The following CTNNBIP1 variants were observed in gnomAD, a reference collection of about 807,000 sequenced individuals.
The protein encoded by CTNNBIP1 is catenin beta interacting protein 1, also known as beta-catenin-interacting protein 1.
Under a neutral mutation model 11.8 loss-of-function variants are expected in CTNNBIP1, and 7 were observed. That is an observed-to-expected ratio of 0.60 (90% CI 0.34 to 1.12). The LOEUF is 1.12. CTNNBIP1 is among the 50% of genes most tolerant of loss of function. The pLI, the probability that CTNNBIP1 is intolerant of heterozygous loss-of-function variation, is 0.03. For synonymous variants in CTNNBIP1, 58 were observed against 43.9 expected (o/e 1.32, Z -1.26); for missense variants, 101 against 113.4 (o/e 0.89, Z 0.50).
chr1:9,881,495 A>G (rs1639082565), intron 2 of CTNNBIP1, among the ~76,000 whole-genome samples: 1 of 151,726 alleles, frequency 6.6e-6, no homozygotes, highest in Non-Finnish European at 1.5e-5. Flanking sequence ...GCCCGCCACC[A>G]CACCCGGCTA....
At chr1:9,906,805 C>T (rs1228014623) in intron 1 of CTNNBIP1, among the ~76,000 whole-genome samples, 1 of 152,170 alleles carries the variant, frequency 6.6e-6, no homozygotes, top group African/African-American at 2.4e-5. Context: ...GGGCAGGAGT[C>T]TTGGTGCGAT....
rs917943475 is a variant in CTNNBIP1, at chr1:9,848,644, A to G, written c.*2074T>C. On this transcript the variant is annotated 3_prime_UTR_variant, in exon 6 of 6. Coordinates refer to ENST00000377263, the MANE Select transcript of CTNNBIP1 (RefSeq NM_020248.3). The surrounding 1 kb of genome is among the most constrained non-coding windows in gnomAD (Gnocchi z 4.3). Reference sequence around the variant, plus strand: ...GAGCGGGGAGAGTGCGTGTGTGTGCACATGTGTATGAGTGTGCACACGGGT... The same window carrying G: ...GAGCGGGGAGAGTGCGTGTGTGTGCGCATGTGTATGAGTGTGCACACGGGT... 1 of 152,206 alleles carries G rather than the reference A, an allele frequency of 6.6e-6. No homozygotes were observed. The highest frequency in any genetic ancestry group is 6.5e-5 in the Admixed American group (1 of 15,280). The allele number at this position is 152,206 out of a possible 1,614,324, so 9.4% of individuals were successfully genotyped here. A position where few individuals can be genotyped will look rare whatever the true frequency, so the allele number is the denominator to read the frequency against.
chr1:9,865,118 A>G (rs745348600), intron 5 of CTNNBIP1, among the ~76,000 whole-genome samples: 25 of 152,018 alleles, frequency 1.6e-4, no homozygotes, highest in Non-Finnish European at 2.9e-4. Flanking sequence ...AATCCCAGCT[A>G]CCTGGGAGGC....
At chr1:9,874,929 G>C (rs1278539461) in intron 3 of CTNNBIP1, among the ~76,000 whole-genome samples, 1 of 152,218 alleles carries the variant, frequency 6.6e-6, no homozygotes, top group African/African-American at 2.4e-5. Context: ...AAGCCTTTGA[G>C]CTGGGAGTTA....
chr1:9,858,826 A>G (rs910830502), intron 5 of CTNNBIP1, among the ~76,000 whole-genome samples: 1 of 152,174 alleles, frequency 6.6e-6, no homozygotes, highest in African/African-American at 2.4e-5. Context: ...ACTCAGACAG[A>G]CAAAGCAACT....
intron 3 of CTNNBIP1, among the ~76,000 whole-genome samples, chr1:9,873,112 G>C (rs1002658378): frequency 6.6e-6 from 1 of 152,176 alleles, no homozygotes; most frequent in Non-Finnish European, 1.5e-5. Flanking sequence ...CAATGTGCCA[G>C]AGCCCGGGCA....
intron 1 of CTNNBIP1, among the ~76,000 whole-genome samples, chr1:9,909,333 A>G (rs1639683856): frequency 6.6e-6 from 1 of 152,148 alleles, no homozygotes; most frequent in Non-Finnish European, 1.5e-5. Context: ...ATTATTCATA[A>G]AACTCTTGAT....
intron 1 of CTNNBIP1, among the ~76,000 whole-genome samples, chr1:9,886,152 C>T (rs905547572): frequency 2.6e-5 from 4 of 152,068 alleles, no homozygotes; most frequent in East Asian, 1.9e-4. Context: ...CCCAGCTGCC[C>T]GTCAGTCCCC....
intron 1 of CTNNBIP1, among the ~76,000 whole-genome samples, chr1:9,891,465 G>A (rs1639298108): frequency 6.6e-6 from 1 of 152,188 alleles, no homozygotes; most frequent in Admixed American, 6.5e-5. Flanking sequence ...CCAGGGCTGG[G>A]AAAGCCTCCA....
rs1294633584 is a variant in CTNNBIP1, at chr1:9,848,645, CAT to C, written c.*2071_*2072del. ...AGCGGGGAGAGTGCGTGTGTGTGCA[CAT>C]GTGTATGAGTGTGCACACGGGTGTG... On this transcript the variant is annotated 3_prime_UTR_variant, in exon 6 of 6. Transcript: ENST00000377263. The surrounding 1 kb of genome is among the most constrained non-coding windows in gnomAD (Gnocchi z 4.3). 1.2e-4 allele frequency: 19 copies of C among 152,348 alleles called. No individual in the cohort carries two copies. The highest frequency in any genetic ancestry group is 2.2e-4 in the Non-Finnish European group (15 of 68,044). The allele number at this position is 152,348 out of a possible 1,614,324, so 9.4% of individuals were successfully genotyped here. A position where few individuals can be genotyped will look rare whatever the true frequency, so the allele number is the denominator to read the frequency against.
At chr1:9,854,801 C>T (rs1024964931) in intron 5 of CTNNBIP1, among the ~76,000 whole-genome samples, 3 of 152,048 alleles carry the variant, frequency 2.0e-5, no homozygotes, top group African/African-American at 4.8e-5. Context: ...CTCAACCTCC[C>T]GAGTAGCTGG....
At chr1:9,865,834 G>GA (rs1433838707) in intron 5 of CTNNBIP1, among the ~76,000 whole-genome samples, 2 of 151,968 alleles carry the variant, frequency 1.3e-5, no homozygotes, top group Admixed American at 6.6e-5. Context: ...CTATAACTGG[G>GA]AAAAAAATCA....
rs1303390710 is a variant in CTNNBIP1, at chr1:9,876,992, T to C, written c.-25+913A>G. 2.0e-5 allele frequency among the ~76,000 whole-genome samples: 3 copies of C among 152,220 alleles called. No individual in the cohort carries two copies. The East Asian group carries it at 5.8e-4, about 29-fold the overall frequency. ...TGAAAGGTCCACACAACGGGAGAAC[T>C]GGCCTTGGCTCCACAGGCCACAACA... On this transcript the variant is annotated intron_variant, in intron 3 of 5. Transcript: ENST00000377263.
chr1:9,866,925 G>A (rs993097191), intron 5 of CTNNBIP1, among the ~76,000 whole-genome samples: 2 of 152,090 alleles, frequency 1.3e-5, no homozygotes, highest in Non-Finnish European at 2.9e-5. Context: ...TAACCCATTA[G>A]GTTCCTGAGG....
At chr1:9,862,038 C>CA (rs1255293514) in intron 5 of CTNNBIP1, among the ~76,000 whole-genome samples, 1 of 152,100 alleles carries the variant, frequency 6.6e-6, no homozygotes, top group African/African-American at 2.4e-5. Context: ...GCCCTGTTCC[C>CA]ACCCTCCCAT....
At chr1:9,864,627 C>A (rs567102134) in intron 5 of CTNNBIP1, among the ~76,000 whole-genome samples, 1 of 152,290 alleles carries the variant, frequency 6.6e-6, no homozygotes, top group Non-Finnish European at 1.5e-5. Flanking sequence ...CGTGCCTGGC[C>A]GGACAAGGGC....
intron 1 of CTNNBIP1, among the ~76,000 whole-genome samples, chr1:9,888,467 G>A (rs1380910578): frequency 2.0e-5 from 3 of 151,542 alleles, no homozygotes; most frequent in Non-Finnish European, 4.4e-5. Flanking sequence ...CAGGAGAATC[G>A]CTTGAGCCCA....
At position 9,883,065 on chromosome 1, in the gene CTNNBIP1, C is replaced by T. The variant is rs899309413; in HGVS notation, c.-110+640G>A. ...GGGCAGGGGGCTCCTTCTGTGGGCA[C>T]GCAGAGCCAGAGCAGTCAGGAACAG... is the stretch of plus-strand genomic sequence containing the variant. On this transcript the variant is annotated intron_variant, in intron 2 of 5. Coordinates refer to ENST00000377263, the MANE Select transcript of CTNNBIP1 (RefSeq NM_020248.3). This position sits in a 1 kb window ranked among gnomAD's most constrained non-coding sequence, Gnocchi z 5.6. Among the ~76,000 whole-genome samples the T allele has an allele frequency of 2.6e-5, 4 of 152,228 alleles. No individual in the cohort carries two copies. In the South Asian group the frequency reaches 6.2e-4, roughly 24 times the overall value.
Position 9,862,465 on chromosome 1 carries a change from CA to C in CTNNBIP1, c.187+8721del, listed in dbSNP as rs1212365079. On this transcript the variant is annotated intron_variant, in intron 5 of 5. Coordinates refer to ENST00000377263, the MANE Select transcript of CTNNBIP1 (RefSeq NM_020248.3). ...TGCTTAAAATGCAAATTCCCAGGCT[CA>C]TCTGGCAGGCATTCTGGGGCTATGG... Among the ~76,000 whole-genome samples the C allele has an allele frequency of 7.2e-5, 11 of 152,336 alleles. No individual in the cohort carries two copies. The East Asian group carries it at 1.7e-3, about 24-fold the overall frequency.
Sources: allele counts gnomAD v4.1 joint callset (sites outside exome capture counted in the v4.1 genomes callset), GRCh38; gene constraint gnomAD v4.1.1; non-coding constraint Gnocchi (gnomAD v3.1); transcripts MANE v1.5; gene names NCBI Gene and HGNC (gene_info 2026-07-23, HGNC 2026-07-21).